Variants in PALS2 observed in about 807,000 individuals in gnomAD.
PALS2 encodes protein PALS2.
A neutral mutation model predicts 61.6 loss-of-function variants in PALS2; 27 were observed. The ratio of observed to expected loss-of-function variants is 0.44; its 90% CI spans 0.32 to 0.60. PALS2 has a LOEUF of 0.60. Among genes scored for constraint, PALS2 ranks in the 20% least tolerant of loss-of-function variants. The pLI, the probability that PALS2 is intolerant of heterozygous loss-of-function variation, is 0.05. For synonymous variants in PALS2, 236 were observed against 218.6 expected (o/e 1.08, Z -0.70); for missense variants, 554 against 639.4 (o/e 0.87, Z 1.44).
intron 5 of PALS2, among the ~76,000 whole-genome samples, chr7:24,653,548 C>G (rs180866410): frequency 6.6e-6 from 1 of 152,258 alleles, no homozygotes; most frequent in East Asian, 1.9e-4. Context: ...CGAAATTCCA[C>G]TTTCGTTTTC....
At chr7:24,597,714 T>G (rs897763394) in intron 1 of PALS2, among the ~76,000 whole-genome samples, 2 of 152,156 alleles carry the variant, frequency 1.3e-5, no homozygotes, top group African/African-American at 2.4e-5. Flanking sequence ...TACTTTCTCC[T>G]GAGATACAAG....
intron 3 of PALS2, 109 bp from the exon 4 acceptor site, chr7:24,649,503 C>T (rs1410561129): frequency 1.0e-6 from 1 of 956,312 alleles, no homozygotes. Context: ...TACCATGTGC[C>T]TTGGAAATTT....
intron 1 of PALS2, among the ~76,000 whole-genome samples, chr7:24,616,298 C>T (rs922810816): frequency 1.3e-5 from 2 of 151,894 alleles, no homozygotes; most frequent in Non-Finnish European, 2.9e-5. Context: ...TAAAGAAAAG[C>T]CTAAAAGACT....
chr7:24,682,018 C>T (rs940316462), intron 11 of PALS2, among the ~76,000 whole-genome samples: 1 of 152,144 alleles, frequency 6.6e-6, no homozygotes, highest in Non-Finnish European at 1.5e-5. Context: ...TATCTTCCTG[C>T]TTCTTTGCAA....
intron 5 of PALS2, among the ~76,000 whole-genome samples, chr7:24,662,135 T>C (rs1268854090): frequency 1.3e-5 from 2 of 152,198 alleles, no homozygotes; most frequent in South Asian, 2.1e-4. Context: ...ATATTTAGCT[T>C]TTCTAGAGTA....
At chr7:24,613,637 C>G (rs553301160) in intron 1 of PALS2, among the ~76,000 whole-genome samples, 10 of 151,944 alleles carry the variant, frequency 6.6e-5, no homozygotes, top group Non-Finnish European at 4.4e-5. Context: ...AAAATGTATA[C>G]TGTTGTCAAC....
chr7:24,663,090 T>TA (rs138082311), intron 5 of PALS2, among the ~76,000 whole-genome samples: 10,513 of 152,216 alleles, frequency 0.069, 449 homozygotes, highest in African/African-American at 0.11. Flanking sequence ...GCAAGATGAT[T>TA]AAAAAAGTAT....
In PALS2 at chr7:24,624,559, T is replaced by C. The variant is rs147023688; in HGVS notation, c.117+775T>C. Reference sequence around the variant, plus strand: ...TCCAAGACCTCTGAAAAATACCTTTTACAAGGTTTTCTATTAGTGAGAGTG... The same window carrying C: ...TCCAAGACCTCTGAAAAATACCTTTCACAAGGTTTTCTATTAGTGAGAGTG... On this transcript the variant is annotated intron_variant, in intron 2 of 11. Coordinates refer to ENST00000222644, the MANE Select transcript of PALS2 (RefSeq NM_001303037.2). Among the ~76,000 whole-genome samples the C allele has an allele frequency of 1.3e-4, 19 of 151,964 alleles. No homozygotes were observed. The East Asian group carries it at 3.5e-3, about 28-fold the overall frequency.
At position 24,692,958 on chromosome 7, in the gene PALS2, C is replaced by T. The variant is rs1263855356; in HGVS notation, c.*5344C>T. On this transcript the variant is annotated 3_prime_UTR_variant, in exon 12 of 12. Coordinates refer to ENST00000222644, the MANE Select transcript of PALS2 (RefSeq NM_001303037.2). ...GAACCTCAAAATCCAGATATTAATC[C>T]ACTTTAGTTATTACTTTGTAATTGC... 6.6e-6 allele frequency: 1 copy of T among 152,122 alleles called. No homozygotes were observed. Among genetic ancestry groups the T allele is most frequent in the Admixed American group, 6.5e-5 (1 of 15,268 alleles). The allele number at this position is 152,122 out of a possible 1,614,324, so 9.4% of individuals were successfully genotyped here. A position where few individuals can be genotyped will look rare whatever the true frequency, so the allele number is the denominator to read the frequency against.
chr7:24,641,272 A>G (rs1348946818), intron 2 of PALS2, among the ~76,000 whole-genome samples: 1 of 151,974 alleles, frequency 6.6e-6, no homozygotes, highest in African/African-American at 2.4e-5. Flanking sequence ...TATTTTTATC[A>G]TTTTAAAAAA....
intron 2 of PALS2, among the ~76,000 whole-genome samples, chr7:24,633,805 A>T (rs1785115932): frequency 6.6e-6 from 1 of 152,144 alleles, no homozygotes; most frequent in African/African-American, 2.4e-5. Flanking sequence ...CCGGACTGTT[A>T]TCCATAGTAG....
intron 2 of PALS2, among the ~76,000 whole-genome samples, chr7:24,637,613 TGTTTTAGAAAGACCAG>T (rs1406800636): frequency 1.3e-5 from 2 of 152,218 alleles, no homozygotes; most frequent in Admixed American, 6.5e-5. Context: ...ATGGTCCTTG[TGTTTTAGAAAGACCAG>T]GTTTCTACAC....
At position 24,616,312 on chromosome 7, in the gene PALS2, C is replaced by CA. The variant is rs200007378; in HGVS notation, c.-2-7346dup. ...ATAAAGAAAAGCCTAAAAGACTCTA[C>CA]AAAAAAAACTCTTAGAAATGGTAAA... On this transcript the variant is annotated intron_variant, in intron 1 of 11. Transcript: ENST00000222644. Among the ~76,000 whole-genome samples, 816 of 151,502 alleles carry CA rather than the reference C, an allele frequency of 5.4e-3. 7 individuals carry two copies. The highest frequency in any genetic ancestry group is 0.018 in the African/African-American group (731 of 41,330).
At chr7:24,677,005 T>C (rs941553195) in intron 9 of PALS2, among the ~76,000 whole-genome samples, 3 of 151,468 alleles carry the variant, frequency 2.0e-5, no homozygotes, top group Non-Finnish European at 1.5e-5. Context: ...TTCCTACCCA[T>C]GAGCATGGAA....
intron 3 of PALS2, among the ~76,000 whole-genome samples, chr7:24,644,988 G>A (rs1053799356): frequency 9.2e-6 from 1 of 108,298 alleles, no homozygotes; most frequent in Non-Finnish European, 1.7e-5. Flanking sequence ...ACTTAAATGG[G>A]CAAAGAACTT....
At chr7:24,584,047 A>G (rs1376380278) in intron 1 of PALS2, among the ~76,000 whole-genome samples, 95 of 148,722 alleles carry the variant, frequency 6.4e-4, no homozygotes, top group African/African-American at 2.3e-3. Flanking sequence ...ACATTTTCTT[A>G]ATCCAGTCTA....
At chr7:24,607,326 C>A (rs1430631237) in intron 1 of PALS2, among the ~76,000 whole-genome samples, 1 of 151,792 alleles carries the variant, frequency 6.6e-6, no homozygotes, top group East Asian at 1.9e-4. Flanking sequence ...TGAAATGAAG[C>A]CCTCTTAATG....
At chr7:24,611,046 G>A (rs796880003) in intron 1 of PALS2, among the ~76,000 whole-genome samples, 14 of 152,048 alleles carry the variant, frequency 9.2e-5, no homozygotes, top group African/African-American at 2.9e-4. Flanking sequence ...GTTACAAAAG[G>A]ATTTTTAATA....
rs112315224 is a variant in PALS2, at chr7:24,663,579, A to G, written c.652-11A>G. 98 of 1,574,274 alleles carry G rather than the reference A, an allele frequency of 6.2e-5. No homozygotes were observed. The highest frequency in any genetic ancestry group is 2.5e-4 in the African/African-American group (18 of 72,904). ...CAACTATAGTATTTTTAATTGTGCT[A>G]TGTGTTTTAGGTATTTGTGAAGTGT... On this transcript the variant is annotated splice_polypyrimidine_tract_variant and intron_variant, in intron 5 of 11. Transcript: ENST00000222644.
Sources: gnomAD v4.1 joint callset for allele counts (sites outside exome capture counted in the v4.1 genomes callset) on GRCh38, gnomAD v4.1.1 for gene constraint, MANE v1.5 for transcripts, NCBI Gene and HGNC (gene_info 2026-07-23, HGNC 2026-07-21) for gene names.